The following GALNT10 variants were observed in gnomAD, a reference collection of about 807,000 sequenced individuals.
GALNT10 encodes GalNAc transferase 10.
GALNT10 carries 41 observed loss-of-function variants against 75.0 expected under a neutral mutation model. The observed-to-expected ratio is 0.55, with a 90% CI of 0.43 to 0.71. The LOEUF (loss-of-function observed/expected upper bound fraction) is 0.71. Ranked by LOEUF, GALNT10 falls within the 30% of genes least tolerant of loss-of-function variation. The probability of loss-of-function intolerance (pLI) is 0.00; values close to 1 mark genes in which losing one functional copy is unlikely to be tolerated. For synonymous variants in GALNT10, 302 were observed against 313.0 expected (o/e 0.96, Z 0.37); for missense variants, 727 against 818.5 (o/e 0.89, Z 1.36).
At chr5:154,203,180 ACT>A (rs1189218452) in intron 1 of GALNT10, among the ~76,000 whole-genome samples, 1 of 151,064 alleles carries the variant, frequency 6.6e-6, no homozygotes, top group African/African-American at 2.4e-5. Context: ...TGGGTGTATG[ACT>A]CTTTCACCTG....
intron 4 of GALNT10, among the ~76,000 whole-genome samples, chr5:154,361,609 G>C (rs1425566751): frequency 6.6e-6 from 1 of 152,194 alleles, no homozygotes; most frequent in Non-Finnish European, 1.5e-5. Context: ...GTACTGAACT[G>C]TGCAGTGAGG....
chr5:154,326,442 C>T (rs1454634863), intron 3 of GALNT10, among the ~76,000 whole-genome samples: 1 of 152,142 alleles, frequency 6.6e-6, no homozygotes, highest in Admixed American at 6.5e-5. Context: ...AAAACTTGCA[C>T]ATGAATGTTC....
intron 1 of GALNT10, among the ~76,000 whole-genome samples, chr5:154,235,463 T>G (rs1189553255): frequency 6.6e-6 from 1 of 152,102 alleles, no homozygotes; most frequent in East Asian, 1.9e-4. Flanking sequence ...GTAGCTTCAG[T>G]ACTAGGAAAG....
intron 1 of GALNT10, among the ~76,000 whole-genome samples, chr5:154,207,249 C>T: frequency 6.6e-6 from 1 of 152,192 alleles, no homozygotes; most frequent in Non-Finnish European, 1.5e-5. Flanking sequence ...GAACTGCAGA[C>T]CTAAATGCCA....
intron 6 of GALNT10, among the ~76,000 whole-genome samples, chr5:154,385,864 G>T (rs576762239): frequency 6.6e-6 from 1 of 152,278 alleles, no homozygotes; most frequent in East Asian, 1.9e-4. Context: ...GCTGCCTCCC[G>T]CAAGGATTGT....
chr5:154,387,927 T>C (rs1489999858), intron 7 of GALNT10: 1 of 147,050 alleles, frequency 6.8e-6, no homozygotes, highest in South Asian at 2.2e-4. Flanking sequence ...TTTTTTGAGA[T>C]GGAGTTTCAC....
At chr5:154,281,259 G>A (rs1754035199) in intron 1 of GALNT10, among the ~76,000 whole-genome samples, 1 of 152,098 alleles carries the variant, frequency 6.6e-6, no homozygotes, top group Non-Finnish European at 1.5e-5. Flanking sequence ...AGTTTTCAGT[G>A]TATAGGTCTT....
Position 154,285,219 on chromosome 5 carries a change from C to T in GALNT10, c.160-9597C>T, listed in dbSNP as rs576717310. ...TTCCAGGGGCCAGAGAGAACTGGGG[C>T]CTCCAGGGACACTGTGAGGGCAAAG... On this transcript the variant is annotated intron_variant, in intron 1 of 11. Transcript: ENST00000297107. 2.0e-5 allele frequency among the ~76,000 whole-genome samples: 3 copies of T among 152,240 alleles called. No individual in the cohort carries two copies. The East Asian group carries it at 5.8e-4, about 29-fold the overall frequency.
chr5:154,374,763 A>G (rs1755629603), intron 4 of GALNT10, among the ~76,000 whole-genome samples: 1 of 151,712 alleles, frequency 6.6e-6, no homozygotes, highest in African/African-American at 2.4e-5. Context: ...CATTCTTCTG[A>G]TCACCTCAAA....
intron 1 of GALNT10, among the ~76,000 whole-genome samples, chr5:154,282,128 T>C (rs1754047038): frequency 6.6e-6 from 1 of 152,178 alleles, no homozygotes; most frequent in African/African-American, 2.4e-5. Context: ...TATAAGGTGG[T>C]AGAAAGCATC....
chr5:154,342,226 G>A (rs910693476), intron 4 of GALNT10, among the ~76,000 whole-genome samples: 2 of 152,192 alleles, frequency 1.3e-5, no homozygotes, highest in South Asian at 2.1e-4. Context: ...TGAGCTAAAC[G>A]ATGCAATGAG....
intron 8 of GALNT10, chr5:154,406,206 G>T (rs1756278408): frequency 6.6e-6 from 1 of 152,122 alleles, no homozygotes. Flanking sequence ...ATTAGTGTTA[G>T]CATCAATATT....
At chr5:154,344,954 A>T (rs1329557429) in intron 4 of GALNT10, among the ~76,000 whole-genome samples, 2 of 152,144 alleles carry the variant, frequency 1.3e-5, no homozygotes, top group Non-Finnish European at 2.9e-5. Context: ...CCCCTCCAAA[A>T]ATCAGGCCCA....
At chr5:154,317,109 C>T (rs191731536) in intron 3 of GALNT10, among the ~76,000 whole-genome samples, 5 of 152,274 alleles carry the variant, frequency 3.3e-5, no homozygotes, top group South Asian at 2.1e-4. Context: ...AGGAACTTGC[C>T]GGGGTCTCAC....
chr5:154,232,575 G>A (rs1167925824), intron 1 of GALNT10, among the ~76,000 whole-genome samples: 1 of 152,194 alleles, frequency 6.6e-6, no homozygotes, highest in African/African-American at 2.4e-5. Context: ...AAGGGTCAGG[G>A]GAGGAGGTTA....
chr5:154,194,416 T>C (rs138676765), intron 1 of GALNT10, among the ~76,000 whole-genome samples: 1 of 152,344 alleles, frequency 6.6e-6, no homozygotes, highest in Non-Finnish European at 1.5e-5. Context: ...TAGTATCCTT[T>C]AGCTTGCTAA....
intron 4 of GALNT10, among the ~76,000 whole-genome samples, chr5:154,375,635 T>C (rs1371411145): frequency 6.6e-6 from 1 of 152,172 alleles, no homozygotes. Context: ...TTTTTACAGG[T>C]TGGCTTCAGT....
intron 7 of GALNT10, among the ~76,000 whole-genome samples, chr5:154,401,497 G>A (rs184398132): frequency 5.6e-4 from 86 of 152,304 alleles, no homozygotes; most frequent in African/African-American, 1.9e-3. Context: ...GGATGCTGGC[G>A]CCTGATCAAT....
chr5:154,207,452 G>T (rs1775128613), intron 1 of GALNT10, among the ~76,000 whole-genome samples: 1 of 152,186 alleles, frequency 6.6e-6, no homozygotes, highest in Admixed American at 6.5e-5. Flanking sequence ...GGCCTACAGA[G>T]TCCTGGGCCT....
Sources: gnomAD v4.1 joint callset for allele counts (sites outside exome capture counted in the v4.1 genomes callset) on GRCh38, gnomAD v4.1.1 for gene constraint, MANE v1.5 for transcripts, NCBI Gene and HGNC (gene_info 2026-07-23, HGNC 2026-07-21) for gene names.